Variants in RARB observed in about 807,000 individuals in gnomAD.
RARB encodes the protein retinoic acid receptor beta.
Under a neutral mutation model 51.9 loss-of-function variants are expected in RARB, and 17 were observed. The observed-to-expected ratio is 0.33, with a 90% confidence interval of 0.22 to 0.49. The LOEUF is 0.49. Ranked by LOEUF, RARB falls within the 20% of genes least tolerant of loss-of-function variation. The pLI is 0.99. For missense variants in RARB, 369 were observed against 550.8 expected (o/e 0.67, Z 3.30); for synonymous variants, 215 against 195.4 (o/e 1.10, Z -0.84).
intron 5 of RARB, among the ~76,000 whole-genome samples, chr3:25,376,697 G>A (rs567904505): frequency 6.6e-6 from 1 of 152,286 alleles, no homozygotes; most frequent in South Asian, 2.1e-4. Context: ...TTCTCCCCAG[G>A]TCTACCTGTT....
At chr3:25,080,308 C>T (rs1361823914) in intron 3 of RARB, among the ~76,000 whole-genome samples, 1 of 152,180 alleles carries the variant, frequency 6.6e-6, no homozygotes, top group Non-Finnish European at 1.5e-5. Context: ...CTTTGTATAA[C>T]ACATTTTGTT....
At chr3:25,033,825 T>C (rs1392668847) in intron 2 of RARB, among the ~76,000 whole-genome samples, 2 of 152,176 alleles carry the variant, frequency 1.3e-5, no homozygotes, top group Admixed American at 6.5e-5. Flanking sequence ...GTAATAAATA[T>C]TTGTTAGCTT....
intron 5 of RARB, among the ~76,000 whole-genome samples, chr3:25,203,003 T>G (rs970759684): frequency 2.6e-5 from 4 of 152,214 alleles, no homozygotes; most frequent in African/African-American, 9.6e-5. Flanking sequence ...TAACTTTCTG[T>G]CTCATTGATC....
intron 3 of RARB, among the ~76,000 whole-genome samples, chr3:25,066,389 G>T (rs1449469367): frequency 6.6e-6 from 1 of 152,118 alleles, no homozygotes; most frequent in Non-Finnish European, 1.5e-5. Flanking sequence ...ATACTTTTCT[G>T]TTTTTAATAT....
intron 5 of RARB, among the ~76,000 whole-genome samples, chr3:25,178,720 G>A (rs576224904): frequency 2.0e-5 from 3 of 152,270 alleles, no homozygotes; most frequent in African/African-American, 7.2e-5. Context: ...GCCACTATCA[G>A]TTTTCGTCAC....
At chr3:25,441,036 A>G (rs1037643265) in intron 1 of RARB, 2 of 151,932 alleles carry the variant, frequency 1.3e-5, no homozygotes, top group Non-Finnish European at 2.9e-5. Context: ...TGCATTAGAA[A>G]AAAATACCTA....
intron 2 of RARB, among the ~76,000 whole-genome samples, chr3:25,466,143 G>A (rs147625944): frequency 6.6e-5 from 10 of 152,328 alleles, no homozygotes; most frequent in African/African-American, 2.4e-4. Context: ...CACATAGTAA[G>A]TGATAAGTAC....
chr3:25,120,561 C>CTCTCTCTCTCTCTCTA (rs1699767998), intron 3 of RARB, among the ~76,000 whole-genome samples: 1 of 151,534 alleles, frequency 6.6e-6, no homozygotes, highest in Admixed American at 6.6e-5. Flanking sequence ...CTCTCTCTCT[C>CTCTCTCTCTCTCTCTA]TCGATATGCC....
chr3:24,988,773 C>T (rs116480691), intron 2 of RARB, among the ~76,000 whole-genome samples: 1 of 152,122 alleles, frequency 6.6e-6, no homozygotes, highest in Non-Finnish European at 1.5e-5. Context: ...GACATTACAA[C>T]AATTTATCCA....
At chr3:25,080,633 T>C (rs753022154) in intron 3 of RARB, among the ~76,000 whole-genome samples, 2 of 152,206 alleles carry the variant, frequency 1.3e-5, no homozygotes, top group Non-Finnish European at 2.9e-5. Context: ...TATAGATCAT[T>C]GAGGTTTTTA....
At chr3:25,522,889 C>T (rs1651238020) in intron 3 of RARB, among the ~76,000 whole-genome samples, 1 of 152,106 alleles carries the variant, frequency 6.6e-6, no homozygotes, top group Non-Finnish European at 1.5e-5. Flanking sequence ...GGTTGGTCTC[C>T]AGTAGACACT....
intron 5 of RARB, among the ~76,000 whole-genome samples, chr3:25,287,471 C>T (rs1425704328): frequency 6.6e-6 from 1 of 152,120 alleles, no homozygotes; most frequent in Non-Finnish European, 1.5e-5. Context: ...CAGGCCAGAG[C>T]TTAGGTCATT....
chr3:25,393,005 G>T (rs1707014122), intron 5 of RARB, among the ~76,000 whole-genome samples: 2 of 152,018 alleles, frequency 1.3e-5, no homozygotes, highest in Admixed American at 1.3e-4. Flanking sequence ...TCCCCATACA[G>T]TATAATGTTG....
intron 5 of RARB, among the ~76,000 whole-genome samples, chr3:25,367,682 C>T (rs993775069): frequency 2.0e-5 from 3 of 150,972 alleles, no homozygotes; most frequent in Non-Finnish European, 2.9e-5. Context: ...CAAAATTAGC[C>T]GCATATGGGG....
At chr3:25,066,212 C>G (rs558797031) in intron 3 of RARB, among the ~76,000 whole-genome samples, 70 of 149,084 alleles carry the variant, frequency 4.7e-4, no homozygotes, top group Middle Eastern at 3.5e-3. Flanking sequence ...AACATGCTTT[C>G]AATTTCTCCA....
At chr3:25,262,740 G>C (rs573686835) in intron 5 of RARB, among the ~76,000 whole-genome samples, 1 of 152,058 alleles carries the variant, frequency 6.6e-6, no homozygotes, top group Non-Finnish European at 1.5e-5. Context: ...AAGGTCAGCC[G>C]GTTAGCAAGC....
At chr3:24,865,904 CTTTTAT>C (rs985238273) in intron 2 of RARB, among the ~76,000 whole-genome samples, 3 of 152,020 alleles carry the variant, frequency 2.0e-5, no homozygotes, top group African/African-American at 4.8e-5. Context: ...ACTTGTGAAA[CTTTTAT>C]TTTTATGCCA....
chr3:25,292,464 C>A (rs1235348973), intron 5 of RARB, among the ~76,000 whole-genome samples: 2 of 152,110 alleles, frequency 1.3e-5, no homozygotes, highest in Admixed American at 1.3e-4. Flanking sequence ...CCCCGTCTTC[C>A]TTTGAGGTGG....
intron 3 of RARB, among the ~76,000 whole-genome samples, chr3:25,516,963 T>G (rs1195192876): frequency 6.6e-6 from 1 of 152,192 alleles, no homozygotes; most frequent in Non-Finnish European, 1.5e-5. Flanking sequence ...TAAAAGTGTT[T>G]AATATATACT....
Sources: allele counts gnomAD v4.1 joint callset (sites outside exome capture counted in the v4.1 genomes callset), GRCh38; gene constraint gnomAD v4.1.1; transcripts MANE v1.5; gene names NCBI Gene and HGNC (gene_info 2026-07-23, HGNC 2026-07-21).